The following STX7 variants were observed in gnomAD, a reference collection of about 807,000 sequenced individuals.
STX7 encodes the protein syntaxin 7, also known as syntaxin-7.
In STX7, 34 loss-of-function variants were observed where a neutral mutation model predicts 39.6. That is an observed-to-expected ratio of 0.86 (90% confidence interval 0.65 to 1.14). The LOEUF is 1.14. STX7 is among the 50% of genes most tolerant of loss of function. STX7 has a pLI of 0.00. For missense variants in STX7, 284 were observed against 310.4 expected (o/e 0.92, Z 0.64); for synonymous variants, 119 against 99.1 (o/e 1.20, Z -1.19).
chr6:132,461,587 G>A, intron 9 of STX7: 1 of 414,896 alleles, frequency 2.4e-6, no homozygotes, highest in Non-Finnish European at 4.4e-6. Context: ...TGGGATTACA[G>A]GCGTGAGCCA....
At chr6:132,462,544 T>C (rs921307111) in intron 9 of STX7, among the ~76,000 whole-genome samples, 2 of 151,894 alleles carry the variant, frequency 1.3e-5, no homozygotes, top group Non-Finnish European at 2.9e-5. Flanking sequence ...TCAGCAGTTA[T>C]ATGCTAACAG....
Position 132,509,477 on chromosome 6 carries a change from CA to C in STX7, c.-59+3529del, listed in dbSNP as rs1562343588. ...AATAACATAACATAACATAACATAA[CA>C]TAACATAACATAACATAACATAACA... On this transcript the variant is annotated intron_variant, in intron 1 of 9. Transcript: ENST00000367941. Among the ~76,000 whole-genome samples the C allele has an allele frequency of 3.1e-3, 344 of 111,686 alleles. 22 individuals carry two copies. The highest frequency in any genetic ancestry group is 4.9e-3 in the Admixed American group (53 of 10,852). 73.3% of individuals were successfully genotyped at this position (111,686 alleles called of 152,430 possible).
chr6:132,495,661 A>G (rs1201785399), intron 2 of STX7, among the ~76,000 whole-genome samples: 1 of 152,074 alleles, frequency 6.6e-6, no homozygotes, highest in Non-Finnish European at 1.5e-5. Context: ...AAAAAAAGTG[A>G]TAATATTAGC....
At chr6:132,471,713 G>A in intron 4 of STX7, 113 bp from the exon 5 acceptor site, 2 of 1,196,236 alleles carry the variant, frequency 1.7e-6, no homozygotes, top group Non-Finnish European at 2.3e-6. Flanking sequence ...CCCAATTACA[G>A]GGCCTTACAG....
chr6:132,463,082 C>T (rs892281681), intron 9 of STX7, among the ~76,000 whole-genome samples: 14 of 151,706 alleles, frequency 9.2e-5, no homozygotes, highest in African/African-American at 2.7e-4. Flanking sequence ...ATTAGCCAGG[C>T]GTGGGGGTAC....
At chr6:132,500,851 T>C (rs1043567237) in intron 2 of STX7, among the ~76,000 whole-genome samples, 6 of 152,188 alleles carry the variant, frequency 3.9e-5, no homozygotes, top group African/African-American at 1.4e-4. Context: ...GGAATCTCAT[T>C]CCTCCTGAGG....
At chr6:132,469,875 C>G in intron 7 of STX7, 76 bp downstream of exon 7, 2 of 1,237,074 alleles carry the variant, frequency 1.6e-6, no homozygotes, top group Non-Finnish European at 2.3e-6. Flanking sequence ...TGCATTCTCC[C>G]AGCATTACCT....
At chr6:132,470,531 G>A (rs1774687721) in intron 6 of STX7, 43 bp downstream of exon 6, 1 of 1,490,694 alleles carries the variant, frequency 6.7e-7, no homozygotes, top group Non-Finnish European at 9.3e-7. Context: ...TATAAACTTT[G>A]AAAAATTACC....
intron 2 of STX7, among the ~76,000 whole-genome samples, chr6:132,497,772 TC>T (rs1775452609): frequency 6.6e-6 from 1 of 152,222 alleles, no homozygotes; most frequent in African/African-American, 2.4e-5. Context: ...GGCTTGCTTA[TC>T]CTTATACTAT....
chr6:132,485,003 C>T (rs769570790), intron 2 of STX7, among the ~76,000 whole-genome samples: 2 of 152,104 alleles, frequency 1.3e-5, no homozygotes, highest in East Asian at 1.9e-4. Context: ...TTCTTATTAA[C>T]GTTTTTTATT....
chr6:132,498,209 CTATT>C (rs1486479421), intron 2 of STX7, among the ~76,000 whole-genome samples: 2 of 152,024 alleles, frequency 1.3e-5, no homozygotes, highest in Non-Finnish European at 2.9e-5. Context: ...TTTGTTATAA[CTATT>C]TACCAGTTTT....
rs755811211 is a variant in STX7, at chr6:132,475,617, T to C, written c.131A>G (p.Asp44Gly). Reference protein sequence around the residue: ...RTLNQLGTPQDSPELRQQLQQ... With the variant: ...RTLNQLGTPQGSPELRQQLQQ... The stretch of plus-strand genomic sequence containing the variant: ...CAACTGTTGCCTCAATTCAGGTGAA[T>C]CTTGAGGTGTTCCAAGTTGATTCAG... Residue 44 changes from aspartate to glycine, a missense_variant, in exon 3 of 10, where the codon GAT (aspartate) becomes GGT (glycine). Transcript: ENST00000367941. 24 of 1,609,146 alleles carry C rather than the reference T, an allele frequency of 1.5e-5. No homozygotes were observed. The highest frequency in any genetic ancestry group is 2.7e-5 in the African/African-American group (2 of 74,832).
intron 2 of STX7, among the ~76,000 whole-genome samples, chr6:132,484,107 C>T (rs9483464): frequency 0.011 from 1,615 of 152,274 alleles, 17 homozygotes; most frequent in African/African-American, 0.034. Flanking sequence ...TGTGTCTCTA[C>T]GAGAATACAA....
At position 132,462,581 on chromosome 6, in the gene STX7, G is replaced by GT. The variant is rs1315441250; in HGVS notation, c.693+1411_693+1412insA. 4.4e-3 allele frequency among the ~76,000 whole-genome samples: 532 copies of GT among 120,828 alleles called. 7 individuals are homozygous for GT. Among genetic ancestry groups the GT allele is most frequent in the Non-Finnish European group, 1.7e-3 (96 of 57,574 alleles). 79.3% of individuals were successfully genotyped at this position (120,828 alleles called of 152,430 possible). On this transcript the variant is annotated intron_variant, in intron 9 of 9. Transcript: ENST00000367941. ...TCCAGAAGACTTCTGGCATTTGCAG[G>GT]GGTGTGTGTGTGTGTGTGTGTGTGT...
intron 2 of STX7, among the ~76,000 whole-genome samples, chr6:132,476,297 C>A (rs1774871745): frequency 6.6e-6 from 1 of 152,096 alleles, no homozygotes; most frequent in Non-Finnish European, 1.5e-5. Context: ...TTGTGGCATG[C>A]TGCAGCGAGA....
chr6:132,497,237 T>C (rs1487687107), intron 2 of STX7, among the ~76,000 whole-genome samples: 2 of 152,192 alleles, frequency 1.3e-5, no homozygotes, highest in African/African-American at 4.8e-5. Context: ...TATGGAATAC[T>C]ATACAGTAAC....
rs1774095552 is a variant in STX7, at chr6:132,449,568, T to C, written c.*11190A>G. ...GTCTCATAATCTCTAATTCTTATTT[T>C]CTATCCCTTTACCTGTTTTTGCTGC... On this transcript the variant is annotated 3_prime_UTR_variant, in exon 10 of 10. Coordinates refer to ENST00000367941, the MANE Select transcript of STX7 (RefSeq NM_003569.3). The C allele has an allele frequency of 6.6e-6, 1 of 152,204 alleles. No individual in the cohort carries two copies. The highest frequency in any genetic ancestry group is 6.5e-5 in the Admixed American group (1 of 15,272). The allele number at this position is 152,204 out of a possible 1,614,324, so 9.4% of individuals were successfully genotyped here. A position where few individuals can be genotyped will look rare whatever the true frequency, so the allele number is the denominator to read the frequency against.
Position 132,451,724 on chromosome 6 carries a change from C to G in STX7, c.*9034G>C, listed in dbSNP as rs1466677423. ...TCTAAAAATACAAACTGTCACAACT[C>G]AATATGAAATAGATAAATTAAACAG... On this transcript the variant is annotated 3_prime_UTR_variant, in exon 10 of 10. Transcript: ENST00000367941. 6.6e-6 allele frequency: 1 copy of G among 151,978 alleles called. No homozygotes were observed. Among genetic ancestry groups the G allele is most frequent in the Non-Finnish European group, 1.5e-5 (1 of 67,994 alleles). The allele number at this position is 151,978 out of a possible 1,614,324, so 9.4% of individuals were successfully genotyped here. A position where few individuals can be genotyped will look rare whatever the true frequency, so the allele number is the denominator to read the frequency against.
chr6:132,489,216 AAAAAAAAAAG>A (rs1392337316), intron 2 of STX7, among the ~76,000 whole-genome samples: 6 of 145,106 alleles, frequency 4.1e-5, no homozygotes, highest in South Asian at 2.1e-4. Flanking sequence ...AAAAAAAAAA[AAAAAAAAAAG>A]GATGATATAT....
Sources: gnomAD v4.1 joint callset for allele counts (sites outside exome capture counted in the v4.1 genomes callset) on GRCh38, gnomAD v4.1.1 for gene constraint, MANE v1.5 for transcripts, NCBI Gene and HGNC (gene_info 2026-07-23, HGNC 2026-07-21) for gene names.